Variants in BTAF1 observed in about 807,000 individuals in gnomAD.
BTAF1 encodes the protein B-TFIID TATA-box binding protein associated factor 1.
A neutral mutation model predicts 227.1 loss-of-function variants in BTAF1; 38 were observed. That is an observed-to-expected ratio of 0.17 (90% CI 0.13 to 0.22). BTAF1 has a LOEUF of 0.22. BTAF1 is among the 10% of genes least tolerant of loss of function. The pLI is 1.00. For missense variants in BTAF1, 1,598 were observed against 2,204.0 expected (o/e 0.73, Z 5.51); for synonymous variants, 742 against 751.9 (o/e 0.99, Z 0.21).
chr10:91,957,543 A>G (rs1482983266), intron 8 of BTAF1, among the ~76,000 whole-genome samples: 1 of 152,222 alleles, frequency 6.6e-6, no homozygotes, highest in Non-Finnish European at 1.5e-5. Flanking sequence ...AGGCTTGCAT[A>G]TCTCTCCCAG....
intron 14 of BTAF1, among the ~76,000 whole-genome samples, chr10:91,971,436 T>C (rs190375186): frequency 1.6e-4 from 24 of 151,950 alleles, no homozygotes; most frequent in African/African-American, 5.8e-4. Flanking sequence ...GGCTATTTCA[T>C]TCTGTGTTTT....
intron 5 of BTAF1, among the ~76,000 whole-genome samples, chr10:91,953,493 T>A (rs927781815): frequency 2.0e-5 from 3 of 152,126 alleles, no homozygotes; most frequent in Non-Finnish European, 4.4e-5. Flanking sequence ...TGCCTCATAA[T>A]GTAGCATAAA....
At chr10:91,964,347 C>T in intron 13 of BTAF1, 146 bp downstream of exon 13, 1 of 939,828 alleles carries the variant, frequency 1.1e-6, no homozygotes, top group Non-Finnish European at 1.5e-6. Context: ...TTCAGAAGGC[C>T]TTGTCTTTTT....
intron 11 of BTAF1, among the ~76,000 whole-genome samples, chr10:91,960,890 G>A (rs1846465360): frequency 6.6e-6 from 1 of 152,022 alleles, no homozygotes; most frequent in Non-Finnish European, 1.5e-5. Context: ...TTCTGGCTAG[G>A]ACTTCAGTTC....
At chr10:92,013,571 C>A in intron 30 of BTAF1, 96 bp from the exon 31 acceptor site, 1 of 1,451,658 alleles carries the variant, frequency 6.9e-7, no homozygotes, top group Non-Finnish European at 9.6e-7. Context: ...AATCTCTCAT[C>A]TATATGATTA....
chr10:91,952,896 A>G (rs1845862081), intron 5 of BTAF1, among the ~76,000 whole-genome samples: 1 of 152,236 alleles, frequency 6.6e-6, no homozygotes, highest in Non-Finnish European at 1.5e-5. Context: ...ATGGTGTAAG[A>G]AAATGAATGG....
At chr10:91,934,923 G>T (rs1844502469) in intron 1 of BTAF1, among the ~76,000 whole-genome samples, 1 of 151,898 alleles carries the variant, frequency 6.6e-6, no homozygotes, top group African/African-American at 2.4e-5. Context: ...ACATAGTTGG[G>T]GATATAATAT....
intron 14 of BTAF1, among the ~76,000 whole-genome samples, chr10:91,972,842 G>A (rs1450833603): frequency 6.6e-6 from 1 of 152,146 alleles, no homozygotes; most frequent in African/African-American, 2.4e-5. Flanking sequence ...CCCACTTAAT[G>A]TGCCTATTCA....
intron 11 of BTAF1, among the ~76,000 whole-genome samples, chr10:91,962,242 G>A (rs1293981242): frequency 6.6e-6 from 1 of 152,052 alleles, no homozygotes. Flanking sequence ...GCTGCCTATG[G>A]TATTCAGTTC....
rs867634338 is a variant in BTAF1, at chr10:92,029,071, T to C, written c.*138T>C. The C allele has an allele frequency of 5.6e-6, 4 of 714,670 alleles. No individual in the cohort carries two copies. The highest frequency in any genetic ancestry group is 3.1e-5 in the East Asian group (1 of 32,440). The allele number at this position is 714,670 out of a possible 1,614,324, so 44.3% of individuals were successfully genotyped here. A position where few individuals can be genotyped will look rare whatever the true frequency, so the allele number is the denominator to read the frequency against. On this transcript the variant is annotated 3_prime_UTR_variant, in exon 38 of 38. Coordinates refer to ENST00000265990, the MANE Select transcript of BTAF1 (RefSeq NM_003972.3). ...GAATATTCAGCATAATGCTGGCTCT[T>C]GTTTCACTGGGGGAAACAAGTTATT...
At chr10:91,997,339 G>T (rs1849213050) in intron 24 of BTAF1, among the ~76,000 whole-genome samples, 1 of 152,086 alleles carries the variant, frequency 6.6e-6, no homozygotes, top group South Asian at 2.1e-4. Context: ...AATCTTATTG[G>T]TAAAGCTTTC....
At chr10:91,963,485 C>T in intron 12 of BTAF1, among the ~76,000 whole-genome samples, 1 of 151,776 alleles carries the variant, frequency 6.6e-6, no homozygotes. Flanking sequence ...CGAGGCTGGT[C>T]TCAAACTCCT....
chr10:91,954,411 T>G (rs183698808), intron 6 of BTAF1, among the ~76,000 whole-genome samples: 120 of 152,236 alleles, frequency 7.9e-4, no homozygotes, highest in Non-Finnish European at 5.3e-4. Context: ...AAGAACTGTG[T>G]GGGTAAAGTC....
intron 11 of BTAF1, among the ~76,000 whole-genome samples, chr10:91,960,874 G>C (rs563030836): frequency 3.9e-5 from 6 of 152,156 alleles, no homozygotes; most frequent in African/African-American, 1.2e-4. Context: ...TAAAAACTCT[G>C]ATATATTCTG....
At chr10:91,947,156 T>C (rs1845427070) in intron 4 of BTAF1, among the ~76,000 whole-genome samples, 1 of 152,210 alleles carries the variant, frequency 6.6e-6, no homozygotes, top group Non-Finnish European at 1.5e-5. Flanking sequence ...TTTACACATA[T>C]TTTCTACTGC....
intron 20 of BTAF1, among the ~76,000 whole-genome samples, chr10:91,991,738 GAGAA>G (rs1483761547): frequency 6.6e-6 from 1 of 150,616 alleles, no homozygotes; most frequent in East Asian, 2.0e-4. Context: ...CTGGGCAACA[GAGAA>G]AGACCCTGTC....
Position 91,935,691 on chromosome 10 carries a change from A to G in BTAF1, c.49A>G (p.Thr17Ala). Residue 17 changes from threonine to alanine, a missense_variant, in exon 2 of 38, where the codon ACT (threonine) becomes GCT (alanine). Physicochemically the swap from Thr to Ala is moderately conservative, Grantham distance 58 (BLOSUM62 0). This residue lies in a region of BTAF1 where 298 missense variants were observed against 395.2 expected (regional missense o/e 0.75). Transcript: ENST00000265990. ...CCTTTTTATTTTACTGGATACTGGC[A>G]CTACTCCTGTTACAAGAAAAGCTGC... Reference protein sequence around the residue: ...DRLFILLDTGTTPVTRKAAAQ... With the variant: ...DRLFILLDTGATPVTRKAAAQ... 6.2e-7 allele frequency: 1 copy of G among 1,613,734 alleles called. No homozygotes were observed. The highest frequency in any genetic ancestry group is 8.5e-7 in the Non-Finnish European group (1 of 1,179,758).
intron 12 of BTAF1, among the ~76,000 whole-genome samples, chr10:91,963,420 A>G (rs1449244014): frequency 6.8e-6 from 1 of 146,744 alleles, no homozygotes; most frequent in South Asian, 2.1e-4. Flanking sequence ...CTCCGTCTCA[A>G]AAAAAAAAAA....
intron 5 of BTAF1, among the ~76,000 whole-genome samples, chr10:91,951,913 T>C (rs749340982): frequency 1.4e-4 from 21 of 152,160 alleles, no homozygotes; most frequent in Non-Finnish European, 2.8e-4. Context: ...AGGGCTATTA[T>C]AGTCAGATAT....
Sources: allele counts gnomAD v4.1 joint callset (sites outside exome capture counted in the v4.1 genomes callset), GRCh38; gene constraint gnomAD v4.1.1; regional missense constraint gnomAD v4.1.1; transcripts MANE v1.5; gene names NCBI Gene and HGNC (gene_info 2026-07-23, HGNC 2026-07-21).